The following RANBP2 variants were observed in gnomAD, a reference collection of about 807,000 sequenced individuals.
The protein encoded by RANBP2 is RAN binding protein 2.
A neutral mutation model predicts 303.6 loss-of-function variants in RANBP2; 57 were observed. The observed-to-expected ratio is 0.19, with a 90% CI of 0.15 to 0.23. The LOEUF (loss-of-function observed/expected upper bound fraction) is 0.23, where lower values mean the gene tolerates loss of function less well. RANBP2 is among the 10% of genes least tolerant of loss of function. The probability of loss-of-function intolerance (pLI) is 1.00; values close to 1 mark genes in which losing one functional copy is unlikely to be tolerated. For missense variants in RANBP2, 3,138 were observed against 3,780.8 expected (o/e 0.83, Z 4.46); for synonymous variants, 1,167 against 1,301.5 (o/e 0.90, Z 2.23).
At chr2:109,734,862 C>G in the RANBP2 span, among the ~76,000 whole-genome samples, 2 of 152,050 alleles carry the variant, frequency 1.3e-5, no homozygotes, top group Admixed American at 1.3e-4. Flanking sequence ...TTCTTTCTTT[C>G]TTTTTTATTT....
At chr2:109,633,850 A>G in the RANBP2 span, among the ~76,000 whole-genome samples, 1 of 151,198 alleles carries the variant, frequency 6.6e-6, no homozygotes, top group East Asian at 1.9e-4. Flanking sequence ...AGCCTGGCGC[A>G]ATGGCTCACG....
the RANBP2 span, among the ~76,000 whole-genome samples, chr2:109,414,157 A>G: frequency 6.6e-6 from 1 of 152,260 alleles, no homozygotes; most frequent in South Asian, 2.1e-4. Context: ...GGGCCAGGGC[A>G]TGCTCCCTCC....
chr2:109,572,411 G>A, the RANBP2 span, among the ~76,000 whole-genome samples: 5 of 152,034 alleles, frequency 3.3e-5, no homozygotes, highest in Non-Finnish European at 5.9e-5. Flanking sequence ...GGGGTTACAG[G>A]CACGAGCCAC....
At chr2:109,671,251 A>G in the RANBP2 span, among the ~76,000 whole-genome samples, 1 of 152,182 alleles carries the variant, frequency 6.6e-6, no homozygotes, top group Admixed American at 6.5e-5. Flanking sequence ...GTGGTGACAG[A>G]GACTGTAGCA....
At chr2:109,129,276 G>A in the RANBP2 span, 1 of 636,630 alleles carries the variant, frequency 1.6e-6, no homozygotes, top group Non-Finnish European at 2.7e-6. Context: ...CGGCGGGACA[G>A]GTGTAGCCCG....
At chr2:108,754,031 C>T (rs962840008) in intron 15 of RANBP2, 60 bp downstream of exon 15, 45 of 1,610,480 alleles carry the variant, frequency 2.8e-5, no homozygotes, top group Admixed American at 5.0e-5. Context: ...AATGTTTTTG[C>T]GTTGGTCTTA....
chr2:109,615,901 G>C, the RANBP2 span: 1 of 1,611,640 alleles, frequency 6.2e-7, no homozygotes, highest in South Asian at 1.1e-5. Flanking sequence ...ATAAAACCCA[G>C]ACTCAACAAA....
the RANBP2 span, among the ~76,000 whole-genome samples, chr2:108,921,214 G>A: frequency 6.6e-6 from 1 of 152,226 alleles, no homozygotes; most frequent in East Asian, 1.9e-4. Context: ...TGGGAGGTGT[G>A]GGGCAGAGCT....
the RANBP2 span, among the ~76,000 whole-genome samples, chr2:109,325,018 G>A: frequency 2.7e-5 from 4 of 149,930 alleles, no homozygotes; most frequent in South Asian, 2.2e-4. Flanking sequence ...TTTGGCTTGC[G>A]TAAGAGATGT....
At chr2:109,252,004 A>C in the RANBP2 span, among the ~76,000 whole-genome samples, 1 of 152,176 alleles carries the variant, frequency 6.6e-6, no homozygotes, top group African/African-American at 2.4e-5. Flanking sequence ...CCACTTTGGG[A>C]GGCCAAGGTA....
the RANBP2 span, chr2:108,910,871 G>A: frequency 9.9e-6 from 16 of 1,614,070 alleles, no homozygotes; most frequent in Non-Finnish European, 1.4e-5. Flanking sequence ...AGGAGGGAGT[G>A]AGCAGCCAGG....
At chr2:109,193,457 C>G in the RANBP2 span, among the ~76,000 whole-genome samples, 1 of 152,234 alleles carries the variant, frequency 6.6e-6, no homozygotes, top group Non-Finnish European at 1.5e-5. Flanking sequence ...CTCTGGGCAA[C>G]TCTGTGGGTC....
At chr2:109,141,930 G>C in the RANBP2 span, among the ~76,000 whole-genome samples, 4 of 152,138 alleles carry the variant, frequency 2.6e-5, no homozygotes, top group Admixed American at 2.6e-4. Flanking sequence ...AGGTGGCAGG[G>C]CCCTTTCTAC....
the RANBP2 span, among the ~76,000 whole-genome samples, chr2:109,106,015 G>A: frequency 2.0e-5 from 3 of 151,294 alleles, no homozygotes; most frequent in African/African-American, 4.9e-5. Flanking sequence ...CACCATGCCC[G>A]GCTAATTTTT....
the RANBP2 span, among the ~76,000 whole-genome samples, chr2:109,448,362 C>T: frequency 2.0e-5 from 3 of 152,206 alleles, no homozygotes; most frequent in Non-Finnish European, 2.9e-5. Context: ...AGACCAATTC[C>T]GGTCCATGGT....
chr2:109,320,039 C>G, the RANBP2 span, among the ~76,000 whole-genome samples: 1 of 152,158 alleles, frequency 6.6e-6, no homozygotes, highest in Non-Finnish European at 1.5e-5. Context: ...CATTCTAGGT[C>G]TTCACGGAGC....
At chr2:109,189,495 A>G in the RANBP2 span, among the ~76,000 whole-genome samples, 1 of 151,302 alleles carries the variant, frequency 6.6e-6, no homozygotes, top group African/African-American at 2.4e-5. Context: ...CAACCTCCCG[A>G]GTAGCTGGGA....
the RANBP2 span, among the ~76,000 whole-genome samples, chr2:109,409,675 G>A: frequency 1.3e-5 from 2 of 152,080 alleles, no homozygotes; most frequent in African/African-American, 2.4e-5. Context: ...CCTCACTGGG[G>A]CTCCCCGGCC....
At chr2:109,052,863 T>C in the RANBP2 span, among the ~76,000 whole-genome samples, 1 of 152,136 alleles carries the variant, frequency 6.6e-6, no homozygotes, top group East Asian at 1.9e-4. Context: ...CAGGGGTGTA[T>C]TGGTCAAAGC....
Sources: allele counts gnomAD v4.1 joint callset (sites outside exome capture counted in the v4.1 genomes callset), GRCh38; gene constraint gnomAD v4.1.1; transcripts MANE v1.5; gene names NCBI Gene and HGNC (gene_info 2026-07-23, HGNC 2026-07-21).